The following JAG2 variants were observed in gnomAD, a reference collection of about 807,000 sequenced individuals.
JAG2 encodes the protein jagged canonical Notch ligand 2.
A neutral mutation model predicts 141.7 loss-of-function variants in JAG2; 46 were observed. The ratio of observed to expected loss-of-function variants is 0.32; its 90% CI spans 0.26 to 0.42. The LOEUF (loss-of-function observed/expected upper bound fraction) is 0.42, where lower values mean the gene tolerates loss of function less well. Among genes scored for constraint, JAG2 ranks in the 10% least tolerant of loss-of-function variants. The probability of loss-of-function intolerance (pLI) is 1.00; values close to 1 mark genes in which losing one functional copy is unlikely to be tolerated. For synonymous variants in JAG2, 862 were observed against 763.5 expected (o/e 1.13, Z -2.13); for missense variants, 1,500 against 1,817.5 (o/e 0.83, Z 3.18).
In JAG2 at chr14:105,167,903, C is replaced by G; in HGVS notation, c.271G>C (p.Gly91Arg). 2 of 1,589,910 alleles carry G rather than the reference C, an allele frequency of 1.3e-6. No homozygotes were observed. Among genetic ancestry groups the G allele is most frequent in the South Asian group, 1.1e-5 (1 of 89,218 alleles). ...CCCAGCACGGGCGTGGCGCCGTGGCCGTAGCTGCAGGGCCCCGTGGGCGTC... is the reference window on the plus strand; with the variant it reads ...CCCAGCACGGGCGTGGCGCCGTGGCGGTAGCTGCAGGGCCCCGTGGGCGTC... The part of the protein sequence containing the change: ...KVTPTGPCSY[G>R]HGATPVLGGN... The change falls in exon 2 of 26, where the codon GGC (glycine) becomes CGC (arginine). Residue 91 changes from glycine to arginine, a missense_variant. Physicochemically the swap from Gly to Arg is moderately radical, Grantham distance 125. Coordinates refer to ENST00000331782, the MANE Select transcript of JAG2 (RefSeq NM_002226.5). This position sits in a 1 kb window ranked among gnomAD's most constrained non-coding sequence, Gnocchi z 4.8.
At chr14:105,168,129 A>G (rs949290753) in intron 1 of JAG2, 22 bp from the exon 2 acceptor site, 27 of 1,494,092 alleles carry the variant, frequency 1.8e-5, no homozygotes, top group Non-Finnish European at 2.0e-5. Flanking sequence ...GCAGCGGGAG[A>G]GCGGAGGGAG....
At chr14:105,161,446 C>T (rs1038556798) in intron 2 of JAG2, among the ~76,000 whole-genome samples, 3 of 152,152 alleles carry the variant, frequency 2.0e-5, no homozygotes, top group East Asian at 1.9e-4. Context: ...GAGTTCCTCT[C>T]GACTCCCAGG....
In JAG2 at chr14:105,154,450, G is replaced by T. The variant is rs1888523018; in HGVS notation, c.788+1112C>A. ...CCAGACCCTGGGCCCCAGCCCCTCT[G>T]GTTGCCCTGCTGACTTCTCTGCTCC... is the stretch of plus-strand genomic sequence containing the variant. On this transcript the variant is annotated intron_variant, in intron 5 of 25. Coordinates refer to ENST00000331782, the MANE Select transcript of JAG2 (RefSeq NM_002226.5). The surrounding 1 kb of genome is among the most constrained non-coding windows in gnomAD (Gnocchi z 4.4). Among the ~76,000 whole-genome samples, 1 of 152,106 alleles carries T rather than the reference G, an allele frequency of 6.6e-6. No individual in the cohort carries two copies. The highest frequency in any genetic ancestry group is 1.5e-5 in the Non-Finnish European group (1 of 67,988).
rs1177291404 is a variant in JAG2 at position 105,167,338 on chromosome 14, C to T, written c.417+419G>A. On this transcript the variant is annotated intron_variant, in intron 2 of 25. Coordinates refer to ENST00000331782, the MANE Select transcript of JAG2 (RefSeq NM_002226.5). The surrounding 1 kb of genome is among the most constrained non-coding windows in gnomAD (Gnocchi z 4.8). ...CATCCAGGAAACTGCAGGGCAGGCG[C>T]AGGCTGGCCACGGGCCCGGGGCGGC... 6.6e-6 allele frequency among the ~76,000 whole-genome samples: 1 copy of T among 152,092 alleles called. No homozygotes were observed. The highest frequency in any genetic ancestry group is 6.5e-5 in the Admixed American group (1 of 15,276).
At chr14:105,159,461 TCTCCAGGG>T (rs1286670296) in intron 2 of JAG2, among the ~76,000 whole-genome samples, 1 of 151,714 alleles carries the variant, frequency 6.6e-6, no homozygotes, top group African/African-American at 2.4e-5. Context: ...TCCCCGCCCA[TCTCCAGGG>T]CTCCCTGAGG....
chr14:105,143,826 G>A (rs1156872607), intron 24 of JAG2, among the ~76,000 whole-genome samples, 188 bp from the exon 25 acceptor site: 1 of 150,550 alleles, frequency 6.6e-6, no homozygotes, highest in Non-Finnish European at 1.5e-5. Context: ...GAGTGGAGGG[G>A]TGGAGGCTGT....
At position 105,150,679 on chromosome 14, in the gene JAG2, G is replaced by A. The variant is rs374509372; in HGVS notation, c.1527C>T (p.Ser509=). ...RDECASSPCH[S]GGLCEDLADG... is the part of the protein sequence containing the mutation. ...CGGCCAGGTCCTCGCAGAGGCCGCCGCTGTGGCAGGGGCTGCTGGCACACT... is the reference window on the plus strand; with the variant it reads ...CGGCCAGGTCCTCGCAGAGGCCGCCACTGTGGCAGGGGCTGCTGGCACACT... Residue 509 remains serine (S), a synonymous_variant, in exon 12 of 26, where the codon AGC becomes AGT. Coordinates refer to ENST00000331782, the MANE Select transcript of JAG2 (RefSeq NM_002226.5). The A allele has an allele frequency of 3.3e-4, 511 of 1,552,168 alleles. No homozygotes were observed. Among genetic ancestry groups the A allele is most frequent in the Non-Finnish European group, 4.2e-4 (477 of 1,148,050 alleles).
At chr14:105,161,099 C>A (rs587677015) in intron 2 of JAG2, among the ~76,000 whole-genome samples, 3 of 136,578 alleles carry the variant, frequency 2.2e-5, no homozygotes, top group African/African-American at 8.4e-5. Flanking sequence ...GAGGTCTGTT[C>A]GGGTGTTGGG....
At position 105,143,522 on chromosome 14, in the gene JAG2, C is replaced by A; in HGVS notation, c.3201G>T (p.Glu1067Asp). The A allele has an allele frequency of 6.3e-7, 1 of 1,581,290 alleles. No individual in the cohort carries two copies. Among genetic ancestry groups the A allele is most frequent in the Non-Finnish European group, 8.6e-7 (1 of 1,166,464 alleles). The part of the protein sequence containing the change: ...GNSSLLLAVT[E>D]VKVETVVTGG... ...CCGTAACAACCGTCTCCACCTTGACCTCGGTGACAGCCAGGAGCAGTGAGC... is the reference window on the plus strand; with the variant it reads ...CCGTAACAACCGTCTCCACCTTGACATCGGTGACAGCCAGGAGCAGTGAGC... The change falls in exon 25 of 26, where the codon GAG becomes GAT. Residue 1067 changes from glutamate (E) to aspartate (D), a missense_variant. Glu to Asp is a conservative substitution (Grantham distance 45, BLOSUM62 2). This residue lies in a region of JAG2 where 425 missense variants were observed against 441.0 expected (regional missense o/e 0.96). Coordinates refer to ENST00000331782, the MANE Select transcript of JAG2 (RefSeq NM_002226.5).
chr14:105,143,910 G>A (rs188280443), intron 24 of JAG2, among the ~76,000 whole-genome samples: 4 of 151,006 alleles, frequency 2.6e-5, no homozygotes, highest in Non-Finnish European at 4.4e-5. Context: ...GAGCAGTGGG[G>A]GGAAGGGGAG....
Position 105,168,397 on chromosome 14 carries a change from G to A in JAG2, c.24C>T (p.Arg8=), listed in dbSNP as rs1888990643. ...GCAGCAGCAGCAGCCGCCGGGGAAG[G>A]CGCCCCCGGCCCTGCGCCCGCATTG... is the stretch of plus-strand genomic sequence containing the variant. MRAQGRG[R]LPRRLLLLLA... Residue 8 remains arginine, a synonymous_variant, in exon 1 of 26, where the codon CGC becomes CGT. Coordinates refer to ENST00000331782, the MANE Select transcript of JAG2 (RefSeq NM_002226.5). 2 of 1,019,302 alleles carry A rather than the reference G, an allele frequency of 2.0e-6. No individual in the cohort carries two copies. Among genetic ancestry groups the A allele is most frequent in the Non-Finnish European group, 2.4e-6 (2 of 831,710 alleles). The allele number at this position is 1,019,302 out of a possible 1,614,324, so 63.1% of individuals were successfully genotyped here.
At chr14:105,147,211 GGAA>G (rs1264100557) in intron 20 of JAG2, 112 bp downstream of exon 20, 3 of 789,234 alleles carry the variant, frequency 3.8e-6, no homozygotes, top group Non-Finnish European at 6.5e-6. Context: ...AAGAGAGGCA[GGAA>G]GTAGTTGTGG....
chr14:105,148,712 A>C, intron 15 of JAG2, 33 bp downstream of exon 15: 1 of 1,513,008 alleles, frequency 6.6e-7, no homozygotes, highest in South Asian at 1.2e-5. Context: ...GGGTGGAGGC[A>C]CAGGCCGTGT....
At chr14:105,150,144 G>A (rs1566762863) in intron 12 of JAG2, among the ~76,000 whole-genome samples, 1 of 148,788 alleles carries the variant, frequency 6.7e-6, no homozygotes, top group East Asian at 2.0e-4. Flanking sequence ...TTGGGGGAGG[G>A]GGTCCAGTAC....
At chr14:105,168,171 G>A (rs1888981465) in intron 1 of JAG2, 64 bp from the exon 2 acceptor site, 1 of 1,377,290 alleles carries the variant, frequency 7.3e-7, no homozygotes, top group Non-Finnish European at 9.4e-7. Flanking sequence ...CCGGGCGCCA[G>A]GGGTGGGGGA....
rs1348178883 is a variant in JAG2, at chr14:105,151,459, G to A, written c.1154-63C>T. On this transcript the variant is annotated intron_variant, in intron 8 of 25. Coordinates refer to ENST00000331782, the MANE Select transcript of JAG2 (RefSeq NM_002226.5). Reference sequence around the variant, plus strand: ...GAGCCGTGGGAATAAGGTCCCCATGGGCAGGTGGCGCTGCAAGCCTGGGTC... The same window carrying A: ...GAGCCGTGGGAATAAGGTCCCCATGAGCAGGTGGCGCTGCAAGCCTGGGTC... 6 of 1,492,036 alleles carry A rather than the reference G, an allele frequency of 4.0e-6. No individual in the cohort carries two copies. In the East Asian group the frequency reaches 7.0e-5, roughly 17 times the overall value. The allele number at this position is 1,492,036 out of a possible 1,614,324, so 92.4% of individuals were successfully genotyped here.
Position 105,167,623 on chromosome 14 carries a change from C to T in JAG2, c.417+134G>A, listed in dbSNP as rs1024759166. ...AAGTCCCCAGAGCACGCGCCCCCTG[C>T]CGGCCCCGCCCCGCCTGGGCGCGCG... On this transcript the variant is annotated intron_variant, in intron 2 of 25. Coordinates refer to ENST00000331782, the MANE Select transcript of JAG2 (RefSeq NM_002226.5). The surrounding 1 kb of genome is among the most constrained non-coding windows in gnomAD (Gnocchi z 4.8). 5 of 1,061,568 alleles carry T rather than the reference C, an allele frequency of 4.7e-6. No homozygotes were observed. The highest frequency in any genetic ancestry group is 5.8e-6 in the Non-Finnish European group (5 of 855,656). The allele number at this position is 1,061,568 out of a possible 1,614,324, so 65.8% of individuals were successfully genotyped here. A position where few individuals can be genotyped will look rare whatever the true frequency, so the allele number is the denominator to read the frequency against.
At position 105,147,773 on chromosome 14, in the gene JAG2, G is replaced by A. The variant is rs1888272870; in HGVS notation, c.2364C>T (p.His788=). 2 of 1,542,388 alleles carry A rather than the reference G, an allele frequency of 1.3e-6. No individual in the cohort carries two copies. Among genetic ancestry groups the A allele is most frequent in the Non-Finnish European group, 1.8e-6 (2 of 1,141,074 alleles). Reference sequence around the variant, plus strand: ...CGCCCACACCCCTCCCACACTCACTGTGAGTGCAAGTACGACCCTCCCAGC... The same window carrying A: ...CGCCCACACCCCTCCCACACTCACTATGAGTGCAAGTACGACCCTCCCAGC... ...RDGWEGRTCT[H]NTNDCNPLPC... Residue 788 remains histidine (H), a splice_region_variant and synonymous_variant, in exon 18 of 26, where the codon CAC becomes CAT. Transcript: ENST00000331782.
Position 105,147,881 on chromosome 14 carries a change from G to C in JAG2, c.2256C>G (p.Asn752Lys), listed in dbSNP as rs1473371622. Reference protein sequence around the residue: ...WKGSTCAVAKNSSCLPNPCVN... With the variant: ...WKGSTCAVAKKSSCLPNPCVN... ...CACAGGGGTTGGGCAGGCAGCTGCT[G>C]TTCTTGGCTGTAAGGAGAGGAGGAG... The change falls in exon 18 of 26, where the codon AAC becomes AAG. Residue 752 changes from asparagine (N) to lysine (K), a missense_variant. Asn to Lys is a moderately conservative substitution (Grantham distance 94). Coordinates refer to ENST00000331782, the MANE Select transcript of JAG2 (RefSeq NM_002226.5). 6.4e-7 allele frequency: 1 copy of C among 1,551,690 alleles called. No individual in the cohort carries two copies. Among genetic ancestry groups the C allele is most frequent in the Non-Finnish European group, 8.7e-7 (1 of 1,148,854 alleles).
Sources: allele counts gnomAD v4.1 joint callset (sites outside exome capture counted in the v4.1 genomes callset), GRCh38; gene constraint gnomAD v4.1.1; regional missense constraint gnomAD v4.1.1; non-coding constraint Gnocchi (gnomAD v3.1); transcripts MANE v1.5; gene names NCBI Gene and HGNC (gene_info 2026-07-23, HGNC 2026-07-21).